The following PTPRD variants were observed in gnomAD, a reference collection of about 807,000 sequenced individuals.
The protein encoded by PTPRD is protein tyrosine phosphatase receptor type D.
A neutral mutation model predicts 214.5 loss-of-function variants in PTPRD; 34 were observed. That is an observed-to-expected ratio of 0.16 (90% CI 0.12 to 0.21). The LOEUF (loss-of-function observed/expected upper bound fraction) is 0.21, where lower values mean the gene tolerates loss of function less well. Ranked by LOEUF, PTPRD falls within the 10% of genes least tolerant of loss-of-function variation. PTPRD has a pLI of 1.00. For synonymous variants in PTPRD, 1,128 were observed against 845.7 expected (o/e 1.33, Z -5.79); for missense variants, 2,545 against 2,398.7 (o/e 1.06, Z -1.27).
intron 2 of PTPRD, among the ~76,000 whole-genome samples, chr9:10,419,395 T>G (rs2098525380): frequency 6.6e-6 from 1 of 151,874 alleles, no homozygotes; most frequent in Non-Finnish European, 1.5e-5. Context: ...AAGGCATAGT[T>G]CCGTTCTTTT....
intron 11 of PTPRD, among the ~76,000 whole-genome samples, chr9:8,823,756 G>C (rs567907506): frequency 6.6e-6 from 1 of 152,202 alleles, no homozygotes; most frequent in Non-Finnish European, 1.5e-5. Context: ...TCTTGATCCA[G>C]ACCCTAAGGG....
At chr9:10,483,277 AT>A (rs1186171233) in intron 2 of PTPRD, among the ~76,000 whole-genome samples, 1 of 151,416 alleles carries the variant, frequency 6.6e-6, no homozygotes, top group Non-Finnish European at 1.5e-5. Flanking sequence ...ATGTACAAAA[AT>A]GAACTCAAGA....
chr9:9,585,333 A>T (rs1042025865), intron 7 of PTPRD, among the ~76,000 whole-genome samples: 5 of 152,032 alleles, frequency 3.3e-5, no homozygotes, highest in African/African-American at 1.2e-4. Context: ...ACTTATTCCT[A>T]TGTGAACTTG....
chr9:8,318,321 T>G (rs2130524903), intron 45 of PTPRD, among the ~76,000 whole-genome samples: 1 of 152,240 alleles, frequency 6.6e-6, no homozygotes, highest in South Asian at 2.1e-4. Context: ...ATTATCTGCT[T>G]ATTCAAGATA....
chr9:10,112,069 A>C (rs775778080), intron 3 of PTPRD, among the ~76,000 whole-genome samples: 1 of 152,228 alleles, frequency 6.6e-6, no homozygotes, highest in African/African-American at 2.4e-5. Context: ...TGGGTAGGCC[A>C]ATGAATATCC....
At chr9:9,903,387 G>A (rs1306229786) in intron 5 of PTPRD, among the ~76,000 whole-genome samples, 1 of 152,024 alleles carries the variant, frequency 6.6e-6, no homozygotes, top group African/African-American at 2.4e-5. Context: ...TGTGCCTGTT[G>A]CCACATTAGT....
chr9:8,893,486 T>G (rs1009778369), intron 11 of PTPRD, among the ~76,000 whole-genome samples: 12 of 152,260 alleles, frequency 7.9e-5, no homozygotes, highest in African/African-American at 2.6e-4. Flanking sequence ...AAACACCATT[T>G]CACTCTCAGA....
intron 10 of PTPRD, among the ~76,000 whole-genome samples, chr9:9,054,040 T>A (rs568033534): frequency 6.3e-4 from 96 of 152,164 alleles, no homozygotes; most frequent in African/African-American, 2.2e-3. Flanking sequence ...CAAACAACAA[T>A]AACAATGATA....
intron 39 of PTPRD, among the ~76,000 whole-genome samples, chr9:8,359,641 T>C (rs1472233862): frequency 3.3e-5 from 5 of 152,128 alleles, no homozygotes; most frequent in Non-Finnish European, 5.9e-5. Flanking sequence ...GCCAGCTATT[T>C]GAATTTTTAA....
At chr9:8,374,944 T>C (rs548632290) in intron 39 of PTPRD, among the ~76,000 whole-genome samples, 1 of 152,016 alleles carries the variant, frequency 6.6e-6, no homozygotes, top group African/African-American at 2.4e-5. Flanking sequence ...TGTATTATAT[T>C]TATATTATAG....
intron 3 of PTPRD, among the ~76,000 whole-genome samples, chr9:10,269,196 T>C (rs962307934): frequency 6.6e-6 from 1 of 152,200 alleles, no homozygotes; most frequent in Non-Finnish European, 1.5e-5. Flanking sequence ...AAATGCATTG[T>C]TTAAAATAAC....
At chr9:8,650,528 CAAAAAA>C (rs35887411) in intron 12 of PTPRD, among the ~76,000 whole-genome samples, 2 of 104,304 alleles carry the variant, frequency 1.9e-5, no homozygotes, top group Admixed American at 1.0e-4. Context: ...ACTCCGCCTC[CAAAAAA>C]AAAAAAAAAA....
intron 9 of PTPRD, among the ~76,000 whole-genome samples, chr9:9,276,140 C>T (rs960727187): frequency 2.6e-5 from 4 of 151,252 alleles, no homozygotes; most frequent in African/African-American, 9.7e-5. Context: ...GTCAGTGGCA[C>T]ATTTTGGCCT....
rs78537758 is a variant in PTPRD at position 10,580,149 on chromosome 9, T to A, written c.-600+32249A>T. Among the ~76,000 whole-genome samples the A allele has an allele frequency of 7.0e-3, 1,063 of 152,310 alleles. 8 individuals are homozygous for A. The highest frequency in any genetic ancestry group is 0.024 in the African/African-American group (1,008 of 41,576). ...AATTCAGGAGAACCTAGCCTCACTCTTTTTTCTATAAAAGTGACAATAACA... is the reference window on the plus strand; with the variant it reads ...AATTCAGGAGAACCTAGCCTCACTCATTTTTCTATAAAAGTGACAATAACA... On this transcript the variant is annotated intron_variant, in intron 2 of 45. Transcript: ENST00000381196.
intron 5 of PTPRD, among the ~76,000 whole-genome samples, chr9:9,882,882 C>T (rs1389582836): frequency 6.6e-6 from 1 of 152,104 alleles, no homozygotes; most frequent in Non-Finnish European, 1.5e-5. Context: ...GCTTAGTGCC[C>T]TCCCTGTGGT....
intron 3 of PTPRD, among the ~76,000 whole-genome samples, chr9:10,115,127 A>G (rs917985130): frequency 1.3e-5 from 2 of 152,020 alleles, no homozygotes; most frequent in Non-Finnish European, 1.5e-5. Flanking sequence ...CAGAAGCAGT[A>G]AAAATACGAG....
chr9:8,986,729 T>G (rs1174559088), intron 11 of PTPRD, among the ~76,000 whole-genome samples: 1 of 152,076 alleles, frequency 6.6e-6, no homozygotes, highest in Non-Finnish European at 1.5e-5. Flanking sequence ...TTAACTAGAT[T>G]GGGAAGTGCC....
intron 37 of PTPRD, among the ~76,000 whole-genome samples, chr9:8,384,693 A>C: frequency 6.6e-6 from 1 of 151,808 alleles, no homozygotes; most frequent in Non-Finnish European, 1.5e-5. Flanking sequence ...TACCTGGCCA[A>C]TTTTGTATTT....
At chr9:10,106,253 G>A (rs922723278) in intron 3 of PTPRD, among the ~76,000 whole-genome samples, 2 of 151,592 alleles carry the variant, frequency 1.3e-5, no homozygotes, top group Admixed American at 1.3e-4. Flanking sequence ...ATTGTTCTAG[G>A]ACCTCCTAGA....
Sources: allele counts gnomAD v4.1 joint callset (sites outside exome capture counted in the v4.1 genomes callset), GRCh38; gene constraint gnomAD v4.1.1; transcripts MANE v1.5; gene names NCBI Gene and HGNC (gene_info 2026-07-23, HGNC 2026-07-21).